TGFBR3: variants seen among roughly 807,000 people sequenced by gnomAD.
The protein encoded by TGFBR3 is transforming growth factor beta receptor 3.
A neutral mutation model predicts 87.9 loss-of-function variants in TGFBR3; 46 were observed. That is an observed-to-expected ratio of 0.52 (90% CI 0.41 to 0.67). The LOEUF (loss-of-function observed/expected upper bound fraction) is 0.67. TGFBR3 is among the 30% of genes least tolerant of loss of function. The pLI is 0.00. For synonymous variants in TGFBR3, 381 were observed against 391.6 expected, an observed-to-expected ratio of 0.97 and a Z score of 0.32; for missense variants, 866 against 1,041.9, an observed-to-expected ratio of 0.83 and a Z score of 2.32.
chr1:91,768,325 A>C (rs77105144), intron 3 of TGFBR3, among the ~76,000 whole-genome samples: 2 of 152,174 alleles, frequency 1.3e-5, no homozygotes, highest in African/African-American at 4.8e-5. Context: ...AACTTTGTAC[A>C]TATAAACTAT....
intron 2 of TGFBR3, among the ~76,000 whole-genome samples, chr1:91,853,097 T>C (rs1030911624): frequency 4.0e-5 from 6 of 151,520 alleles, no homozygotes. Context: ...AGGTCGAGGC[T>C]GCAGTGAGCC....
At chr1:91,713,951 T>C (rs1199998174) in intron 12 of TGFBR3, among the ~76,000 whole-genome samples, 1 of 151,646 alleles carries the variant, frequency 6.6e-6, no homozygotes, top group African/African-American at 2.4e-5. Context: ...ATGTCTAAGG[T>C]ATCCCAAAAA....
intron 2 of TGFBR3, among the ~76,000 whole-genome samples, chr1:91,798,628 A>C (rs955943370): frequency 1.3e-5 from 2 of 152,160 alleles, no homozygotes; most frequent in Non-Finnish European, 2.9e-5. Flanking sequence ...CTGCATTTAC[A>C]TGATAGCCAC....
At position 91,767,160 on chromosome 1, in the gene TGFBR3, T is replaced by A. The variant is rs1199488055; in HGVS notation, c.247-8410A>T. ...AATAAGGATTTCTGTTTAAGCAGCATCTTAAAGTTAGTTAATTTGTAATAG... is the reference window on the plus strand; with the variant it reads ...AATAAGGATTTCTGTTTAAGCAGCAACTTAAAGTTAGTTAATTTGTAATAG... On this transcript the variant is annotated intron_variant, in intron 3 of 16. Coordinates refer to ENST00000212355, the MANE Select transcript of TGFBR3 (RefSeq NM_003243.5). 2.2e-5 allele frequency among the ~76,000 whole-genome samples: 3 copies of A among 134,162 alleles called. 1 individual carries two copies. The highest frequency in any genetic ancestry group is 8.4e-5 in the African/African-American group (3 of 35,664). 88.0% of individuals were successfully genotyped at this position (134,162 alleles called of 152,430 possible). A position where few individuals can be genotyped will look rare whatever the true frequency, so the allele number is the denominator to read the frequency against.
At chr1:91,841,561 A>G (rs1677281537) in intron 2 of TGFBR3, among the ~76,000 whole-genome samples, 1 of 149,390 alleles carries the variant, frequency 6.7e-6, no homozygotes, top group Non-Finnish European at 1.5e-5. Context: ...TTGGGAGGCC[A>G]AGGCGGGCAG....
chr1:91,875,780 C>T (rs1287565107), intron 1 of TGFBR3, among the ~76,000 whole-genome samples: 2 of 6,888 alleles, frequency 2.9e-4, no homozygotes, highest in African/African-American at 5.0e-4. Context: ...CCCAGCTACT[C>T]GGGCGGGGGG....
At chr1:91,734,642 A>C in intron 5 of TGFBR3, 134 bp downstream of exon 5, 2 of 1,156,780 alleles carry the variant, frequency 1.7e-6, no homozygotes. Context: ...GCCTGGGGCC[A>C]AATGACCCCT....
At chr1:91,848,597 T>C (rs912675838) in intron 2 of TGFBR3, among the ~76,000 whole-genome samples, 7 of 152,224 alleles carry the variant, frequency 4.6e-5, no homozygotes. Context: ...CTTGCTCACA[T>C]TTAATATGTA....
intron 3 of TGFBR3, among the ~76,000 whole-genome samples, chr1:91,781,306 C>A (rs1199022714): frequency 6.6e-6 from 1 of 152,092 alleles, no homozygotes; most frequent in Non-Finnish European, 1.5e-5. Flanking sequence ...ACTCAAACAG[C>A]AAAATGGCTA....
chr1:91,785,182 C>T (rs998101531), intron 3 of TGFBR3, among the ~76,000 whole-genome samples: 1 of 152,330 alleles, frequency 6.6e-6, no homozygotes, highest in African/African-American at 2.4e-5. Context: ...GCTACAACAT[C>T]GAGGAACCTC....
At chr1:91,783,562 T>C (rs1674849577) in intron 3 of TGFBR3, among the ~76,000 whole-genome samples, 3 of 152,174 alleles carry the variant, frequency 2.0e-5, no homozygotes, top group African/African-American at 7.2e-5. Context: ...TTGCTTCTGC[T>C]GGACACCACG....
At chr1:91,748,411 C>G (rs1340340665) in intron 4 of TGFBR3, among the ~76,000 whole-genome samples, 1 of 152,130 alleles carries the variant, frequency 6.6e-6, no homozygotes, top group African/African-American at 2.4e-5. Flanking sequence ...CAACTGGGAC[C>G]CCAGAGGGAA....
intron 4 of TGFBR3, among the ~76,000 whole-genome samples, chr1:91,749,171 C>T (rs1271535073): frequency 6.6e-6 from 1 of 152,132 alleles, no homozygotes; most frequent in Non-Finnish European, 1.5e-5. Flanking sequence ...CAGCTCTGAA[C>T]ATCACTCTGC....
chr1:91,839,977 G>C (rs1411586288), intron 2 of TGFBR3, among the ~76,000 whole-genome samples: 1 of 151,908 alleles, frequency 6.6e-6, no homozygotes, highest in Non-Finnish European at 1.5e-5. Flanking sequence ...CAACCCTTCT[G>C]TCAGTCAAAA....
intron 1 of TGFBR3, among the ~76,000 whole-genome samples, chr1:91,866,280 G>T (rs981948535): frequency 6.6e-6 from 1 of 152,154 alleles, no homozygotes; most frequent in Admixed American, 6.5e-5. Flanking sequence ...AAAATTAGTA[G>T]CTTCCCCTTA....
intron 2 of TGFBR3, among the ~76,000 whole-genome samples, chr1:91,840,539 T>G (rs2101113747): frequency 6.9e-6 from 1 of 145,202 alleles, no homozygotes; most frequent in South Asian, 2.3e-4. Flanking sequence ...TTTTGTAATA[T>G]CATGCATGAT....
intron 1 of TGFBR3, among the ~76,000 whole-genome samples, chr1:91,867,621 T>A (rs1487556988): frequency 3.3e-5 from 5 of 152,226 alleles, no homozygotes; most frequent in African/African-American, 1.2e-4. Context: ...CAAACTAGGA[T>A]GGCTTTTTCA....
At chr1:91,825,959 TGA>T (rs1676617666) in intron 2 of TGFBR3, among the ~76,000 whole-genome samples, 1 of 131,808 alleles carries the variant, frequency 7.6e-6, no homozygotes, top group Non-Finnish European at 1.6e-5. Flanking sequence ...CTAGCCTGGG[TGA>T]GAGTGAGACC....
chr1:91,783,514 G>C (rs1316445326), intron 3 of TGFBR3, among the ~76,000 whole-genome samples: 3 of 152,304 alleles, frequency 2.0e-5, no homozygotes, highest in Admixed American at 6.5e-5. Flanking sequence ...CACAGACTCA[G>C]ATGCCTGTGT....
Sources: gnomAD v4.1 joint callset for allele counts (sites outside exome capture counted in the v4.1 genomes callset) on GRCh38, gnomAD v4.1.1 for gene constraint, MANE v1.5 for transcripts, NCBI Gene and HGNC (gene_info 2026-07-23, HGNC 2026-07-21) for gene names.